Variants in DACH1 observed in about 807,000 individuals in gnomAD.
DACH1 encodes dachshund family transcription factor 1.
DACH1 carries 12 observed loss-of-function variants against 54.2 expected under a neutral mutation model. The ratio of observed to expected loss-of-function variants is 0.22; its 90% CI spans 0.14 to 0.36. The LOEUF is 0.36. DACH1 is among the 10% of genes least tolerant of loss of function. DACH1 has a pLI of 1.00. For missense variants in DACH1, 805 were observed against 929.8 expected (o/e 0.87, Z 1.75); for synonymous variants, 386 against 366.2 (o/e 1.05, Z -0.62).
chr13:71,796,060 T>C (rs1245539118), intron 1 of DACH1, among the ~76,000 whole-genome samples: 2 of 152,234 alleles, frequency 1.3e-5, no homozygotes, highest in Non-Finnish European at 2.9e-5. Flanking sequence ...ATTTCTGGAA[T>C]GCCTTGTATT....
At chr13:71,849,173 A>G (rs2138259285) in intron 1 of DACH1, among the ~76,000 whole-genome samples, 1 of 152,362 alleles carries the variant, frequency 6.6e-6, no homozygotes, top group Non-Finnish European at 1.5e-5. Context: ...ACGCTTTAAA[A>G]AACTGAGTTT....
At chr13:71,471,851 A>T (rs560477826) in intron 10 of DACH1, among the ~76,000 whole-genome samples, 1 of 152,334 alleles carries the variant, frequency 6.6e-6, no homozygotes, top group East Asian at 1.9e-4. Flanking sequence ...TTAGCTGAAG[A>T]AAGCCATCAT....
chr13:71,524,087 CT>C (rs1417959459), intron 6 of DACH1, among the ~76,000 whole-genome samples: 2 of 152,224 alleles, frequency 1.3e-5, no homozygotes, highest in Non-Finnish European at 2.9e-5. Context: ...TCTAATTGAA[CT>C]AAAACCCTAA....
At chr13:71,813,489 A>G (rs993997454) in intron 1 of DACH1, among the ~76,000 whole-genome samples, 10 of 152,262 alleles carry the variant, frequency 6.6e-5, no homozygotes, top group Non-Finnish European at 1.0e-4. Flanking sequence ...CCATCCACAG[A>G]TGCCTACCTA....
intron 2 of DACH1, among the ~76,000 whole-genome samples, chr13:71,643,868 A>T (rs559072249): frequency 6.6e-6 from 1 of 152,190 alleles, no homozygotes; most frequent in Non-Finnish European, 1.5e-5. Context: ...AAAAAAAGAC[A>T]AAGAGAGATT....
In DACH1 at chr13:71,769,263, C is replaced by A. The variant is rs150513594; in HGVS notation, c.849-87353G>T. ...TGCCTTTATAATTTTTTTTTCTTAA[C>A]CACATTAAAGATTCCATATAAAAAC... On this transcript the variant is annotated intron_variant, in intron 1 of 10. Transcript: ENST00000613252. 5.5e-3 allele frequency among the ~76,000 whole-genome samples: 841 copies of A among 151,560 alleles called. 7 individuals carry two copies. The highest frequency in any genetic ancestry group is 0.017 in the African/African-American group (725 of 41,434).
chr13:71,866,873 G>GCCCC lies in DACH1; in HGVS notation c.-105_-104insGGGG. ...AAAGGGGGGAGAAGGAGCGAGGGGG[G>GCCCC]CAACAACAACTCCGGGAGAGAACGA... is the stretch of plus-strand genomic sequence containing the variant. On this transcript the variant is annotated 5_prime_UTR_variant, in exon 1 of 11. Transcript: ENST00000613252. The GCCCC allele has an allele frequency of 4.4e-6, 3 of 682,354 alleles. No individual in the cohort carries two copies. Among genetic ancestry groups the GCCCC allele is most frequent in the East Asian group, 6.4e-5 (1 of 15,638 alleles). The allele number at this position is 682,354 out of a possible 1,614,324, so 42.3% of individuals were successfully genotyped here.
chr13:71,464,352 G>C (rs1385271871), intron 10 of DACH1, among the ~76,000 whole-genome samples: 1 of 151,912 alleles, frequency 6.6e-6, no homozygotes, highest in Non-Finnish European at 1.5e-5. Context: ...TGTTGCTGTT[G>C]TTAAAATGAT....
chr13:71,601,673 A>T (rs1183027681), intron 3 of DACH1, among the ~76,000 whole-genome samples: 1 of 152,012 alleles, frequency 6.6e-6, no homozygotes, highest in Non-Finnish European at 1.5e-5. Flanking sequence ...TTTTTTTCTG[A>T]TTGAAATAAA....
chr13:71,696,042 A>G (rs1881814608), intron 1 of DACH1, among the ~76,000 whole-genome samples: 1 of 152,164 alleles, frequency 6.6e-6, no homozygotes, highest in Non-Finnish European at 1.5e-5. Context: ...GTAATTATCA[A>G]GATAGGGATG....
At chr13:71,469,775 G>A (rs1018085442) in intron 10 of DACH1, among the ~76,000 whole-genome samples, 2 of 152,132 alleles carry the variant, frequency 1.3e-5, no homozygotes, top group Admixed American at 6.5e-5. Context: ...CAAATGTTTA[G>A]CAAACAGAAA....
intron 2 of DACH1, among the ~76,000 whole-genome samples, chr13:71,654,306 C>T (rs1312289201): frequency 6.6e-6 from 1 of 151,284 alleles, no homozygotes; most frequent in African/African-American, 2.4e-5. Context: ...AGGAGAATCG[C>T]TTGAACCCAG....
At chr13:71,467,417 T>C (rs1189931316) in intron 10 of DACH1, among the ~76,000 whole-genome samples, 4 of 149,878 alleles carry the variant, frequency 2.7e-5, no homozygotes, top group Non-Finnish European at 5.9e-5. Context: ...AGTTAATGGG[T>C]GCAGCACACC....
At chr13:71,703,927 G>A (rs1436028412) in intron 1 of DACH1, among the ~76,000 whole-genome samples, 1 of 152,140 alleles carries the variant, frequency 6.6e-6, no homozygotes, top group Non-Finnish European at 1.5e-5. Context: ...GTCTGTCCAA[G>A]TATGGAGGGG....
intron 2 of DACH1, among the ~76,000 whole-genome samples, chr13:71,642,098 C>T (rs1877948831): frequency 6.6e-6 from 1 of 152,116 alleles, no homozygotes; most frequent in Admixed American, 6.5e-5. Context: ...TAAGTCATAG[C>T]AAATCTTCAA....
At chr13:71,654,617 A>C (rs960294851) in intron 2 of DACH1, among the ~76,000 whole-genome samples, 4 of 152,062 alleles carry the variant, frequency 2.6e-5, no homozygotes, top group Non-Finnish European at 5.9e-5. Flanking sequence ...CAATAAACTG[A>C]AAAACTGACC....
intron 1 of DACH1, among the ~76,000 whole-genome samples, chr13:71,692,345 A>C (rs903573690): frequency 1.3e-5 from 2 of 151,814 alleles, no homozygotes; most frequent in African/African-American, 4.8e-5. Flanking sequence ...TATACGTCAA[A>C]TCTTCTCTGT....
At chr13:71,742,156 A>T (rs1884415127) in intron 1 of DACH1, among the ~76,000 whole-genome samples, 1 of 152,140 alleles carries the variant, frequency 6.6e-6, no homozygotes, top group Non-Finnish European at 1.5e-5. Flanking sequence ...CCATGTAAAA[A>T]GTACCTTTCG....
At chr13:71,718,858 A>G (rs1883104505) in intron 1 of DACH1, among the ~76,000 whole-genome samples, 1 of 152,000 alleles carries the variant, frequency 6.6e-6, no homozygotes, top group African/African-American at 2.4e-5. Flanking sequence ...TTTCCTTAGG[A>G]TCTTATGTTA....
Sources: gnomAD v4.1 joint callset for allele counts (sites outside exome capture counted in the v4.1 genomes callset) on GRCh38, gnomAD v4.1.1 for gene constraint, MANE v1.5 for transcripts, NCBI Gene and HGNC (gene_info 2026-07-23, HGNC 2026-07-21) for gene names.